The following RBMS3 variants were observed in gnomAD, a reference collection of about 807,000 sequenced individuals.
The protein encoded by RBMS3 is RNA-binding motif, single-stranded-interacting protein 3.
In RBMS3, 27 loss-of-function variants were observed where a neutral mutation model predicts 66.8. The ratio of observed to expected loss-of-function variants is 0.40; its 90% CI spans 0.30 to 0.56. The LOEUF is 0.56. Ranked by LOEUF, RBMS3 falls within the 20% of genes least tolerant of loss-of-function variation. RBMS3 has a pLI of 0.40. For missense variants in RBMS3, 513 were observed against 549.5 expected (o/e 0.93, Z 0.66); for synonymous variants, 188 against 183.0 (o/e 1.03, Z -0.22).
chr3:29,977,911 A>T (rs1697703142), intron 12 of RBMS3, among the ~76,000 whole-genome samples: 1 of 151,732 alleles, frequency 6.6e-6, no homozygotes, highest in African/African-American at 2.4e-5. Context: ...GCTCTAGTAA[A>T]AAAAAAAAAG....
chr3:29,878,977 G>A (rs931064036), intron 7 of RBMS3, among the ~76,000 whole-genome samples: 1 of 152,050 alleles, frequency 6.6e-6, no homozygotes, highest in Non-Finnish European at 1.5e-5. Context: ...GAGCCCAGGA[G>A]TTTGAAGTTA....
intron 3 of RBMS3, among the ~76,000 whole-genome samples, chr3:29,505,948 T>A (rs532245301): frequency 2.1e-4 from 32 of 151,934 alleles, no homozygotes; most frequent in Admixed American, 6.6e-4. Flanking sequence ...TTACTGAATT[T>A]GTTTATTAGT....
At chr3:30,001,708 C>T (rs914099321) in intron 14 of RBMS3, among the ~76,000 whole-genome samples, 3 of 151,390 alleles carry the variant, frequency 2.0e-5, no homozygotes, top group African/African-American at 4.8e-5. Flanking sequence ...ACTGTTTTAC[C>T]GTTTGCAATT....
intron 7 of RBMS3, among the ~76,000 whole-genome samples, chr3:29,870,044 T>A (rs1405018247): frequency 6.6e-6 from 1 of 152,178 alleles, no homozygotes; most frequent in East Asian, 1.9e-4. Context: ...GTTATAGTTA[T>A]GTTCAAGTAC....
At chr3:29,640,894 T>G (rs534733241) in intron 4 of RBMS3, among the ~76,000 whole-genome samples, 9 of 152,110 alleles carry the variant, frequency 5.9e-5, no homozygotes, top group African/African-American at 2.2e-4. Context: ...CAGCTGTGTT[T>G]ACCCATCTTT....
At position 29,889,864 on chromosome 3, in the gene RBMS3, C is replaced by A. The variant is rs1211760255; in HGVS notation, c.791+5656C>A. Among the ~76,000 whole-genome samples the A allele has an allele frequency of 2.0e-5, 3 of 151,530 alleles. No individual in the cohort carries two copies. The East Asian group carries it at 5.8e-4, about 30-fold the overall frequency. On this transcript the variant is annotated intron_variant, in intron 8 of 14. Transcript: ENST00000383767. Reference sequence around the variant, plus strand: ...TCCAGCAAGTTGACATCAGGGAAACCATCCTCCTCCCCAGCCATCAAGTCA... The same window carrying A: ...TCCAGCAAGTTGACATCAGGGAAACAATCCTCCTCCCCAGCCATCAAGTCA...
intron 6 of RBMS3, among the ~76,000 whole-genome samples, chr3:29,767,815 T>C (rs2149390081): frequency 6.6e-6 from 1 of 152,120 alleles, no homozygotes; most frequent in South Asian, 2.1e-4. Flanking sequence ...AAAATCAGAA[T>C]ATTTAAGCAA....
chr3:29,968,635 G>A (rs930074131), intron 12 of RBMS3, among the ~76,000 whole-genome samples: 9 of 152,216 alleles, frequency 5.9e-5, no homozygotes, highest in African/African-American at 1.2e-4. Flanking sequence ...CAGTGGGGGT[G>A]TGTGCTCAGG....
chr3:29,528,321 C>T (rs2045217068), intron 3 of RBMS3, among the ~76,000 whole-genome samples: 1 of 152,092 alleles, frequency 6.6e-6, no homozygotes, highest in African/African-American at 2.4e-5. Context: ...CCATGTTGAC[C>T]AGGCTGGTCT....
intron 10 of RBMS3, among the ~76,000 whole-genome samples, chr3:29,920,845 C>T (rs1190508634): frequency 2.0e-5 from 2 of 100,762 alleles, no homozygotes; most frequent in Admixed American, 1.1e-4. Flanking sequence ...TGTGGTGGCA[C>T]GTGGTCTCAA....
intron 2 of RBMS3, among the ~76,000 whole-genome samples, chr3:29,435,535 G>A (rs1405309578): frequency 6.6e-6 from 1 of 152,142 alleles, no homozygotes; most frequent in African/African-American, 2.4e-5. Flanking sequence ...CTTCAAAAAT[G>A]TTTTCATGAA....
chr3:29,687,751 C>T (rs1348167126), intron 4 of RBMS3, among the ~76,000 whole-genome samples: 1 of 152,106 alleles, frequency 6.6e-6, no homozygotes, highest in Non-Finnish European at 1.5e-5. Flanking sequence ...TTTCCCATTT[C>T]CATATGCTGA....
chr3:29,369,211 T>C (rs2038061759), intron 1 of RBMS3, among the ~76,000 whole-genome samples: 1 of 152,020 alleles, frequency 6.6e-6, no homozygotes, highest in East Asian at 1.9e-4. Context: ...AACTAATGGG[T>C]ACTAGACTTA....
chr3:29,854,852 A>G (rs1392690347), intron 6 of RBMS3, among the ~76,000 whole-genome samples: 1 of 152,202 alleles, frequency 6.6e-6, no homozygotes, highest in Non-Finnish European at 1.5e-5. Flanking sequence ...TTTAAGTTTT[A>G]TAGTCCAAAA....
At chr3:29,713,292 G>T (rs1489111148) in intron 4 of RBMS3, among the ~76,000 whole-genome samples, 1 of 151,888 alleles carries the variant, frequency 6.6e-6, no homozygotes, top group Admixed American at 6.6e-5. Context: ...CCCATATAAG[G>T]ATGATTAAAA....
At chr3:29,412,114 C>A (rs912221991) in intron 1 of RBMS3, among the ~76,000 whole-genome samples, 1 of 152,146 alleles carries the variant, frequency 6.6e-6, no homozygotes, top group African/African-American at 2.4e-5. Flanking sequence ...GCTCTCTTAG[C>A]CCCTCTATTT....
intron 4 of RBMS3, among the ~76,000 whole-genome samples, chr3:29,637,319 T>C (rs1022570452): frequency 6.6e-6 from 1 of 151,836 alleles, no homozygotes; most frequent in Non-Finnish European, 1.5e-5. Flanking sequence ...AAAAACCATA[T>C]AGAAACCTTA....
At chr3:29,838,958 T>A (rs1467998167) in intron 6 of RBMS3, among the ~76,000 whole-genome samples, 1 of 152,214 alleles carries the variant, frequency 6.6e-6, no homozygotes, top group Non-Finnish European at 1.5e-5. Context: ...TGAACATTCT[T>A]ATAGAGGCTG....
intron 2 of RBMS3, among the ~76,000 whole-genome samples, chr3:29,436,362 T>G (rs2041403577): frequency 6.6e-6 from 1 of 152,180 alleles, no homozygotes; most frequent in Non-Finnish European, 1.5e-5. Context: ...AGTCCCCTGT[T>G]GCTACTGAGT....
Sources: gnomAD v4.1 joint callset for allele counts (sites outside exome capture counted in the v4.1 genomes callset) on GRCh38, gnomAD v4.1.1 for gene constraint, MANE v1.5 for transcripts, NCBI Gene and HGNC (gene_info 2026-07-23, HGNC 2026-07-21) for gene names.